TENM2: variants seen among roughly 807,000 people sequenced by gnomAD.
The protein encoded by TENM2 is teneurin transmembrane protein 2.
Under a neutral mutation model 245.2 loss-of-function variants are expected in TENM2, and 52 were observed. The observed-to-expected ratio is 0.21, with a 90% confidence interval of 0.17 to 0.27. The LOEUF (loss-of-function observed/expected upper bound fraction) is 0.27, where lower values mean the gene tolerates loss of function less well. Ranked by LOEUF, TENM2 falls within the 10% of genes least tolerant of loss-of-function variation. The pLI is 1.00. For missense variants in TENM2, 3,046 were observed against 3,666.8 expected (o/e 0.83, Z 4.37); for synonymous variants, 1,363 against 1,438.9 (o/e 0.95, Z 1.19).
chr5:167,391,166 T>C (rs1761730354), intron 2 of TENM2, among the ~76,000 whole-genome samples: 1 of 152,166 alleles, frequency 6.6e-6, no homozygotes, highest in Non-Finnish European at 1.5e-5. Flanking sequence ...GTACTCCCAC[T>C]CCTTTGAAAT....
intron 2 of TENM2, among the ~76,000 whole-genome samples, chr5:167,398,377 CCTTTCTTTCTTTCTTT>C (rs33991275): frequency 0.55 from 75,412 of 136,910 alleles, 20,765 homozygotes; most frequent in African/African-American, 0.64. Context: ...TTTCTTTCTT[CCTTTCTTTCTTTCTTT>C]CTTTCTTTCT....
chr5:168,143,541 G>A lies in TENM2; in HGVS notation c.2422+16575G>A, dbSNP rs1755747197. Among the ~76,000 whole-genome samples the A allele has an allele frequency of 1.3e-5, 2 of 152,122 alleles. 1 individual carries two copies. The highest frequency in any genetic ancestry group is 4.1e-4 in the South Asian group (2 of 4,824). ...AAAATAACCTAAAACGTTAGATACT[G>A]GCCCCAGTGCCTGGGCGCAGAACTT... On this transcript the variant is annotated intron_variant, in intron 12 of 28. Coordinates refer to ENST00000518659, the Ensembl canonical transcript of TENM2.
the TENM2 span, among the ~76,000 whole-genome samples, chr5:167,268,448 G>C: frequency 6.6e-6 from 1 of 152,084 alleles, no homozygotes; most frequent in South Asian, 2.1e-4. Context: ...CATTGTACTA[G>C]TTACTGTCCC....
intron 5 of TENM2, among the ~76,000 whole-genome samples, chr5:168,036,897 A>T (rs1279536930): frequency 6.6e-6 from 1 of 151,818 alleles, no homozygotes; most frequent in Non-Finnish European, 1.5e-5. Context: ...AAAAGAAATT[A>T]TCCTCCCCCA....
intron 3 of TENM2, among the ~76,000 whole-genome samples, chr5:167,893,764 G>A (rs1206635962): frequency 1.3e-5 from 2 of 151,962 alleles, no homozygotes; most frequent in Admixed American, 6.6e-5. Flanking sequence ...TTCAAGTATG[G>A]GATGCACCCT....
At chr5:167,171,813 A>G in the TENM2 span, among the ~76,000 whole-genome samples, 4 of 152,204 alleles carry the variant, frequency 2.6e-5, no homozygotes, top group Non-Finnish European at 5.9e-5. Context: ...GGCTGAATCA[A>G]TAAGATTCCA....
intron 2 of TENM2, among the ~76,000 whole-genome samples, chr5:167,507,740 G>A (rs1405921587): frequency 1.1e-4 from 17 of 152,110 alleles, no homozygotes; most frequent in Admixed American, 1.1e-3. Context: ...CCAGGTTGCT[G>A]TGTATGGGTT....
chr5:166,987,684 C>A, the TENM2 span, among the ~76,000 whole-genome samples: 2 of 152,186 alleles, frequency 1.3e-5, no homozygotes, highest in East Asian at 1.9e-4. Context: ...TGATGCCGGT[C>A]ATTTTTAGGA....
Position 168,247,929 on chromosome 5 carries a change from G to A in TENM2, c.6990G>A (p.Thr2330=), listed in dbSNP as rs114140599. The A allele has an allele frequency of 1.1e-3, 1,740 of 1,613,870 alleles. 9 individuals carry two copies. The African/African-American group carries it at 0.017, about 16-fold the overall frequency. The change falls in exon 27 of 29, where the codon ACG becomes ACA. Residue 2330 remains threonine (T), a synonymous_variant. Transcript: ENST00000518659. The surrounding 1 kb of genome is among the most constrained non-coding windows in gnomAD (Gnocchi z 7.8). The stretch of plus-strand genomic sequence containing the variant: ...TCTACTCTGACCTCCACAACCCGAC[G>A]CGCATCACCCATGTCTACAATCACT...
chr5:167,379,891 T>A (rs1358626772), intron 2 of TENM2, among the ~76,000 whole-genome samples: 1 of 147,058 alleles, frequency 6.8e-6, no homozygotes, highest in East Asian at 2.0e-4. Context: ...AAGAAAATTG[T>A]CTCAATTTCT....
the TENM2 span, among the ~76,000 whole-genome samples, chr5:167,228,441 G>A: frequency 6.6e-6 from 1 of 151,574 alleles, no homozygotes; most frequent in African/African-American, 2.4e-5. Context: ...TTTTTGTGAT[G>A]TATATCTCTG....
At chr5:167,744,820 C>CA (rs1554109372) in intron 2 of TENM2, among the ~76,000 whole-genome samples, 8 of 145,700 alleles carry the variant, frequency 5.5e-5, no homozygotes, top group South Asian at 4.3e-4. Flanking sequence ...AACAAACAAA[C>CA]AAACAAAACA....
chr5:167,061,119 C>CGT, the TENM2 span, among the ~76,000 whole-genome samples: 1 of 147,430 alleles, frequency 6.8e-6, no homozygotes, highest in African/African-American at 2.6e-5. Flanking sequence ...CACACACACA[C>CGT]ACATGCATAC....
the TENM2 span, among the ~76,000 whole-genome samples, chr5:167,211,457 T>C: frequency 6.6e-6 from 1 of 152,232 alleles, no homozygotes; most frequent in Non-Finnish European, 1.5e-5. Context: ...TTATAATACA[T>C]TTAGGCATAA....
At chr5:167,326,726 A>G (rs1479319630) in intron 1 of TENM2, among the ~76,000 whole-genome samples, 1 of 147,152 alleles carries the variant, frequency 6.8e-6, no homozygotes, top group Non-Finnish European at 1.5e-5. Context: ...TATATATAAA[A>G]TAAAGTCAAG....
intron 2 of TENM2, among the ~76,000 whole-genome samples, chr5:167,872,910 C>T (rs900068609): frequency 1.3e-5 from 2 of 152,232 alleles, no homozygotes; most frequent in African/African-American, 2.4e-5. Flanking sequence ...ATATCAGGCT[C>T]CTGGAAAATT....
At chr5:167,405,223 G>C (rs1175566536) in intron 2 of TENM2, among the ~76,000 whole-genome samples, 1 of 151,894 alleles carries the variant, frequency 6.6e-6, no homozygotes, top group Non-Finnish European at 1.5e-5. Flanking sequence ...CTTATGGGCT[G>C]TTTCTTTGAT....
At chr5:167,768,087 C>T (rs1185137222) in intron 2 of TENM2, among the ~76,000 whole-genome samples, 1 of 152,126 alleles carries the variant, frequency 6.6e-6, no homozygotes, top group African/African-American at 2.4e-5. Context: ...TGCGCGTCTT[C>T]CATTAGCATA....
chr5:166,983,330 C>T, the TENM2 span, among the ~76,000 whole-genome samples: 3 of 152,150 alleles, frequency 2.0e-5, no homozygotes, highest in South Asian at 6.2e-4. Flanking sequence ...AAAAATGAAG[C>T]ACCTCAGAAA....
Sources: gnomAD v4.1 joint callset for allele counts (sites outside exome capture counted in the v4.1 genomes callset) on GRCh38, gnomAD v4.1.1 for gene constraint, Gnocchi (gnomAD v3.1) non-coding constraint, MANE v1.5 for transcripts, NCBI Gene and HGNC (gene_info 2026-07-23, HGNC 2026-07-21) for gene names.